The following HMCN1 variants were observed in gnomAD, a reference collection of about 807,000 sequenced individuals.
The protein encoded by HMCN1 is hemicentin 1, also known as hemicentin-1.
HMCN1 carries 321 observed loss-of-function variants against 625.9 expected under a neutral mutation model. The ratio of observed to expected loss-of-function variants is 0.51; its 90% CI spans 0.47 to 0.56. The LOEUF is 0.56. Ranked by LOEUF, HMCN1 falls within the 20% of genes least tolerant of loss-of-function variation. The pLI is 0.00. For missense variants in HMCN1, 6,588 were observed against 6,887.3 expected, an observed-to-expected ratio of 0.96 and a Z score of 1.54; for synonymous variants, 2,425 against 2,417.6, an observed-to-expected ratio of 1.00 and a Z score of -0.09.
At position 186,090,762 on chromosome 1, in the gene HMCN1, T is replaced by G. The variant is rs752904999; in HGVS notation, c.9732T>G (p.Pro3244=). 4 of 1,612,232 alleles carry G rather than the reference T, an allele frequency of 2.5e-6. No individual in the cohort carries two copies. Among genetic ancestry groups the G allele is most frequent in the Non-Finnish European group, 3.4e-6 (4 of 1,178,766 alleles). Residue 3244 remains proline, a synonymous_variant, in exon 64 of 107, where the codon CCT becomes CCG. Coordinates refer to ENST00000271588, the MANE Select transcript of HMCN1 (RefSeq NM_031935.3). ...TTCCTAATTATTTCTCCAAAGTTCCTCCAAGTGTTGCTGGTGCTGAAATTC... is the reference window on the plus strand; with the variant it reads ...TTCCTAATTATTTCTCCAAAGTTCCGCCAAGTGTTGCTGGTGCTGAAATTC... ...QKYYFLSIQV[P]PSVAGAEIPS...
chr1:186,150,563 A>G (rs1650602089), intron 93 of HMCN1, among the ~76,000 whole-genome samples: 1 of 152,148 alleles, frequency 6.6e-6, no homozygotes, highest in South Asian at 2.1e-4. Context: ...CCTCACTCTA[A>G]AACCCAAGAC....
At chr1:186,060,087 C>A (rs1243939600) in intron 46 of HMCN1, among the ~76,000 whole-genome samples, 1 of 151,772 alleles carries the variant, frequency 6.6e-6, no homozygotes, top group African/African-American at 2.4e-5. Context: ...TACTTAAATT[C>A]AATTGGGAAA....
chr1:186,189,617 A>G lies in HMCN1; in HGVS notation c.16647A>G (p.Gln5549=), dbSNP rs773821715. 2.5e-6 allele frequency: 4 copies of G among 1,613,302 alleles called. No homozygotes were observed. The highest frequency in any genetic ancestry group is 1.1e-5 in the South Asian group (1 of 90,984). ...TCCCATTTGGAATAGCCACCAATCA[A>G]GATTTAATCCGGCTGGTTGCATACA... The part of the protein sequence containing the change: ...VSLPFGIATN[Q]DLIRLVAYTQ... Residue 5549 remains glutamine (Q), a synonymous_variant, in exon 107 of 107, where the codon CAA becomes CAG. Coordinates refer to ENST00000271588, the MANE Select transcript of HMCN1 (RefSeq NM_031935.3).
intron 71 of HMCN1, among the ~76,000 whole-genome samples, chr1:186,109,688 A>G (rs1168997089): frequency 6.6e-6 from 1 of 152,252 alleles, no homozygotes; most frequent in Non-Finnish European, 1.5e-5. Flanking sequence ...GTGAGGCCAG[A>G]GAAGAAAGTG....
At chr1:186,178,251 G>T (rs1270257263) in intron 103 of HMCN1, among the ~76,000 whole-genome samples, 165 bp from the exon 104 acceptor site, 1 of 152,270 alleles carries the variant, frequency 6.6e-6, no homozygotes, top group African/African-American at 2.4e-5. Flanking sequence ...AATGATTAAA[G>T]CTTTGTCAAA....
intron 84 of HMCN1, among the ~76,000 whole-genome samples, 153 bp from the exon 85 acceptor site, chr1:186,130,353 AT>A (rs2102515953): frequency 6.6e-6 from 1 of 152,168 alleles, no homozygotes; most frequent in East Asian, 1.9e-4. Flanking sequence ...TTATCTGGTG[AT>A]TTAGCATGAA....
chr1:186,087,317 C>T lies in HMCN1; in HGVS notation c.9147C>T (p.Ser3049=). 6.2e-7 allele frequency: 1 copy of T among 1,612,364 alleles called. No homozygotes were observed. The highest frequency in any genetic ancestry group is 8.5e-7 in the Non-Finnish European group (1 of 1,178,698). The change falls in exon 59 of 107, where the codon TCC becomes TCT. Residue 3049 remains serine, a synonymous_variant. Transcript: ENST00000271588. ...CTGGCGAAAGCAAGAAAAAGTTTTC[C>T]CTGACTGTTTATGGTTCGTTTTTAC... The part of the protein sequence containing the change: ...NQAGESKKKF[S]LTVYVPPSIK...
intron 6 of HMCN1, among the ~76,000 whole-genome samples, chr1:185,921,927 A>T (rs968752507): frequency 3.9e-5 from 6 of 152,208 alleles, no homozygotes; most frequent in African/African-American, 1.4e-4. Flanking sequence ...GGTCGGCTCT[A>T]TTGCTTGCAC....
At chr1:186,114,407 G>A (rs902382254) in intron 73 of HMCN1, among the ~76,000 whole-genome samples, 3 of 151,922 alleles carry the variant, frequency 2.0e-5, no homozygotes, top group Admixed American at 6.6e-5. Context: ...AAAGACGCAC[G>A]CCAGCACGCC....
intron 13 of HMCN1, 110 bp from the exon 14 acceptor site, chr1:185,965,692 G>T: frequency 1.4e-6 from 1 of 739,286 alleles, no homozygotes; most frequent in South Asian, 1.4e-5. Context: ...TATAAATATT[G>T]AAATGGCCAC....
At chr1:186,000,726 C>A (rs1012351175) in intron 26 of HMCN1, among the ~76,000 whole-genome samples, 2 of 151,952 alleles carry the variant, frequency 1.3e-5, no homozygotes, top group African/African-American at 4.8e-5. Context: ...TCTCACTAAA[C>A]AATCTATCTT....
intron 93 of HMCN1, 91 bp downstream of exon 93, chr1:186,146,014 T>A: frequency 7.7e-7 from 1 of 1,292,776 alleles, no homozygotes; most frequent in Non-Finnish European, 1.1e-6. Flanking sequence ...ATGCCAACCC[T>A]GAGAGGTGGA....
intron 1 of HMCN1, among the ~76,000 whole-genome samples, chr1:185,824,651 T>C (rs951759989): frequency 2.0e-5 from 3 of 152,158 alleles, no homozygotes. Flanking sequence ...CTCACTTTTA[T>C]TGCATGTCTA....
intron 4 of HMCN1, among the ~76,000 whole-genome samples, chr1:185,879,295 T>TGAGTAGTTA (rs147773700): frequency 0.03 from 4,628 of 152,144 alleles, 252 homozygotes; most frequent in African/African-American, 0.11. Context: ...CTCAGCCTCC[T>TGAGTAGTTA]GAGTAGTTAG....
intron 4 of HMCN1, among the ~76,000 whole-genome samples, chr1:185,898,240 T>C (rs1432489063): frequency 6.6e-6 from 1 of 152,064 alleles, no homozygotes; most frequent in Non-Finnish European, 1.5e-5. Context: ...AAAATCACTG[T>C]GGGGAGTGAC....
chr1:186,081,356 G>T lies in HMCN1; in HGVS notation c.8749G>T (p.Asp2917Tyr). 2 of 1,613,636 alleles carry T rather than the reference G, an allele frequency of 1.2e-6. No individual in the cohort carries two copies. Among genetic ancestry groups the T allele is most frequent in the South Asian group, 2.2e-5 (2 of 91,002 alleles). ...AGATGGACAGCCCTTGCTAGAAGATGACCATCATAAATTTCTATCTAATGG... is the reference window on the plus strand; with the variant it reads ...AGATGGACAGCCCTTGCTAGAAGATTACCATCATAAATTTCTATCTAATGG... Reference protein sequence around the residue: ...QKDGQPLLEDDHHKFLSNGRI... With the variant: ...QKDGQPLLEDYHHKFLSNGRI... Residue 2917 changes from aspartate (D) to tyrosine (Y), a missense_variant, in exon 56 of 107, where the codon GAC (aspartate) becomes TAC (tyrosine). Physicochemically the swap from Asp to Tyr is radical, Grantham distance 160. Transcript: ENST00000271588.
At chr1:186,013,743 G>A (rs191408107) in intron 30 of HMCN1, among the ~76,000 whole-genome samples, 84 of 152,118 alleles carry the variant, frequency 5.5e-4, no homozygotes, top group Non-Finnish European at 8.5e-4. Flanking sequence ...ATATTGAAGC[G>A]ACTTAAGAGC....
chr1:185,784,682 T>C (rs941901276), intron 1 of HMCN1, among the ~76,000 whole-genome samples: 13 of 152,188 alleles, frequency 8.5e-5, no homozygotes, highest in African/African-American at 1.2e-4. Flanking sequence ...TTGGGGGGTT[T>C]CTACATCCTT....
intron 97 of HMCN1, among the ~76,000 whole-genome samples, chr1:186,159,480 G>T (rs1351607531): frequency 6.6e-6 from 1 of 152,128 alleles, no homozygotes. Flanking sequence ...GTGAGAGAGG[G>T]CATCCCTGTC....
Sources: allele counts gnomAD v4.1 joint callset (sites outside exome capture counted in the v4.1 genomes callset), GRCh38; gene constraint gnomAD v4.1.1; transcripts MANE v1.5; gene names NCBI Gene and HGNC (gene_info 2026-07-23, HGNC 2026-07-21).